TBX18: variants seen among roughly 807,000 people sequenced by gnomAD.
TBX18 encodes T-box transcription factor 18, also known as T-box transcription factor TBX18.
TBX18 carries 21 observed loss-of-function variants against 55.0 expected under a neutral mutation model. That is an observed-to-expected ratio of 0.38 (90% confidence interval 0.27 to 0.55). The LOEUF is 0.55. Ranked by LOEUF, TBX18 falls within the 20% of genes least tolerant of loss-of-function variation. TBX18 has a pLI of 0.73. For synonymous variants in TBX18, 342 were observed against 326.1 expected, an observed-to-expected ratio of 1.05 and a Z score of -0.53; for missense variants, 840 against 799.6, an observed-to-expected ratio of 1.05 and a Z score of -0.61.
intron 4 of TBX18, among the ~76,000 whole-genome samples, chr6:84,756,439 TAAC>T (rs1767488233): frequency 1.3e-5 from 2 of 152,242 alleles, no homozygotes; most frequent in African/African-American, 4.8e-5. Context: ...ATGTTTTGCC[TAAC>T]AACATCTCTG....
In TBX18 at chr6:84,736,618, T is replaced by A; in HGVS notation, c.*67A>T. On this transcript the variant is annotated 3_prime_UTR_variant, in exon 8 of 8. Transcript: ENST00000369663. ...AAACCACAGAGAGTTTCTTTCCACATAGCTTTTAAAAAAGAAAAAGAAAAT... is the reference window on the plus strand; with the variant it reads ...AAACCACAGAGAGTTTCTTTCCACAAAGCTTTTAAAAAAGAAAAAGAAAAT... 1 of 1,458,070 alleles carries A rather than the reference T, an allele frequency of 6.9e-7. No individual in the cohort carries two copies. The highest frequency in any genetic ancestry group is 2.6e-5 in the Admixed American group (1 of 39,120). The allele number at this position is 1,458,070 out of a possible 1,614,324, so 90.3% of individuals were successfully genotyped here.
intron 4 of TBX18, among the ~76,000 whole-genome samples, chr6:84,753,408 C>T (rs1767402755): frequency 6.7e-6 from 1 of 148,554 alleles, no homozygotes; most frequent in South Asian, 2.2e-4. Context: ...CTTGCACAGA[C>T]TTGGCAGAGT....
intron 5 of TBX18, among the ~76,000 whole-genome samples, chr6:84,744,597 G>GA (rs1188059714): frequency 6.6e-6 from 1 of 151,940 alleles, no homozygotes. Flanking sequence ...AATATTTCTG[G>GA]AAAAAAAGAT....
Position 84,764,420 on chromosome 6 carries a change from T to A in TBX18, c.-239A>T. 1.9e-6 allele frequency: 1 copy of A among 524,918 alleles called. No homozygotes were observed. The highest frequency in any genetic ancestry group is 3.2e-6 in the Non-Finnish European group (1 of 312,350). 32.5% of individuals were successfully genotyped at this position (524,918 alleles called of 1,614,324 possible). A position where few individuals can be genotyped will look rare whatever the true frequency, so the allele number is the denominator to read the frequency against. On this transcript the variant is annotated 5_prime_UTR_variant, in exon 1 of 8. The change abolishes the stop of an existing upstream ORF in the 5' untranslated region. Coordinates refer to ENST00000369663, the MANE Select transcript of TBX18 (RefSeq NM_001080508.3). ...TCCTGGGTCTCTCTCGCGCGCTCTC[T>A]CACTGATGCACTCCTTTGCTCCCAC...
chr6:84,753,758 T>G (rs1767413765), intron 4 of TBX18, among the ~76,000 whole-genome samples: 1 of 152,158 alleles, frequency 6.6e-6, no homozygotes, highest in Admixed American at 6.5e-5. Flanking sequence ...TCAAGCTGAG[T>G]AAATAAACAG....
In TBX18 at chr6:84,756,783, G is replaced by C; in HGVS notation, c.686C>G (p.Pro229Arg). The C allele has an allele frequency of 6.2e-7, 1 of 1,614,124 alleles. No individual in the cohort carries two copies. Among genetic ancestry groups the C allele is most frequent in the Non-Finnish European group, 8.5e-7 (1 of 1,180,032 alleles). The stretch of plus-strand genomic sequence containing the variant: ...TCTCATCCAAGTCTCCCCCGAGGCA[G>C]GCGAGTCTGGATGAATGTACACACG... Reference protein sequence around the residue: ...PPRVYIHPDSPASGETWMRQV... With the variant: ...PPRVYIHPDSRASGETWMRQV... The change falls in exon 4 of 8, where the codon CCT becomes CGT. Residue 229 changes from proline (P) to arginine (R), a missense_variant. Physicochemically the swap from Pro to Arg is moderately radical, Grantham distance 103. Coordinates refer to ENST00000369663, the MANE Select transcript of TBX18 (RefSeq NM_001080508.3).
chr6:84,740,109 A>G (rs1767008210), intron 6 of TBX18, among the ~76,000 whole-genome samples: 1 of 152,190 alleles, frequency 6.6e-6, no homozygotes, highest in African/African-American at 2.4e-5. Flanking sequence ...GGCACTTCAA[A>G]GAGATGTCTG....
intron 4 of TBX18, among the ~76,000 whole-genome samples, chr6:84,755,597 T>C (rs1767466015): frequency 6.6e-6 from 1 of 152,186 alleles, no homozygotes; most frequent in Admixed American, 6.5e-5. Flanking sequence ...ATACAGGACA[T>C]GAAGTTGGGT....
chr6:84,753,597 G>T (rs1767409809), intron 4 of TBX18, among the ~76,000 whole-genome samples: 1 of 152,190 alleles, frequency 6.6e-6, no homozygotes. Flanking sequence ...GGGTAGAGGG[G>T]TAAGTTCCCA....
intron 6 of TBX18, among the ~76,000 whole-genome samples, chr6:84,743,248 T>A (rs1296664014): frequency 6.6e-6 from 1 of 152,204 alleles, no homozygotes; most frequent in African/African-American, 2.4e-5. Context: ...ATGATGCCAC[T>A]GCATATAACA....
chr6:84,738,024 T>C (rs1357576671), intron 7 of TBX18, among the ~76,000 whole-genome samples: 1 of 152,082 alleles, frequency 6.6e-6, no homozygotes, highest in Non-Finnish European at 1.5e-5. Flanking sequence ...TGAGAAGAAA[T>C]CAGCCCTGGG....
At chr6:84,753,379 C>T (rs1295358835) in intron 4 of TBX18, among the ~76,000 whole-genome samples, 1 of 151,224 alleles carries the variant, frequency 6.6e-6, no homozygotes, top group Non-Finnish European at 1.5e-5. Context: ...AAGGAGTTCT[C>T]AAGTCACTAT....
At position 84,748,043 on chromosome 6, in the gene TBX18, G is replaced by A. The variant is rs369530583; in HGVS notation, c.816C>T (p.Val272=). The A allele has an allele frequency of 6.8e-6, 11 of 1,613,068 alleles. No homozygotes were observed. The highest frequency in any genetic ancestry group is 1.3e-5 in the African/African-American group (1 of 74,900). The change falls in exon 5 of 8, where the codon GTC becomes GTT. Residue 272 remains valine, a synonymous_variant. Transcript: ENST00000369663. ...GATCGTCTCCACAGTCTTTACGGAT[G>A]ACGTGCACTCGCGGTTGGTATTTGT... ...SMHKYQPRVH[V]IRKDCGDDLS...
Position 84,735,751 on chromosome 6 carries a change from A to T in TBX18, c.*934T>A, listed in dbSNP as rs1241049867. ...ATTTAAAAACAAACTATACAAAAAC[A>T]TAAGGTATAGTTAACAATAGTATTA... is the stretch of plus-strand genomic sequence containing the variant. On this transcript the variant is annotated 3_prime_UTR_variant, in exon 8 of 8. Coordinates refer to ENST00000369663, the MANE Select transcript of TBX18 (RefSeq NM_001080508.3). 6.6e-6 allele frequency: 1 copy of T among 152,200 alleles called. No individual in the cohort carries two copies. The highest frequency in any genetic ancestry group is 2.4e-5 in the African/African-American group (1 of 41,460). The allele number at this position is 152,200 out of a possible 1,614,324, so 9.4% of individuals were successfully genotyped here.
intron 6 of TBX18, 134 bp from the exon 7 acceptor site, chr6:84,738,725 G>C: frequency 1.4e-6 from 1 of 698,650 alleles, no homozygotes; most frequent in South Asian, 1.7e-5. Flanking sequence ...TTAGGATCTT[G>C]CCACTGGCAA....
intron 6 of TBX18, among the ~76,000 whole-genome samples, chr6:84,739,171 G>A (rs907135306): frequency 2.6e-5 from 4 of 151,812 alleles, no homozygotes; most frequent in African/African-American, 9.7e-5. Flanking sequence ...GCAACAGGAG[G>A]GCCATGAAGA....
At chr6:84,762,957 G>A (rs547196957) in intron 1 of TBX18, 1 of 604,744 alleles carries the variant, frequency 1.7e-6, no homozygotes, top group East Asian at 2.8e-5. Flanking sequence ...GCTCCAGTGT[G>A]GCCTGCTTGG....
intron 1 of TBX18, chr6:84,763,393 AGAG>A (rs1479958682): frequency 6.6e-6 from 3 of 457,738 alleles, no homozygotes; most frequent in Non-Finnish European, 1.3e-5. Context: ...AGAGAAATCA[AGAG>A]GAGAAGGGAA....
At chr6:84,755,189 C>T (rs559266720) in intron 4 of TBX18, among the ~76,000 whole-genome samples, 1 of 151,902 alleles carries the variant, frequency 6.6e-6, no homozygotes, top group East Asian at 1.9e-4. Flanking sequence ...AGATAGAAAA[C>T]CAGTAATTTG....
Sources: gnomAD v4.1 joint callset for allele counts (sites outside exome capture counted in the v4.1 genomes callset) on GRCh38, gnomAD v4.1.1 for gene constraint, MANE v1.5 for transcripts, NCBI Gene and HGNC (gene_info 2026-07-23, HGNC 2026-07-21) for gene names.